The following CCDC7 variants were observed in gnomAD, a reference collection of about 807,000 sequenced individuals.
CCDC7 encodes the protein coiled-coil domain containing 7.
In CCDC7, 183 loss-of-function variants were observed where a neutral mutation model predicts 196.9. The ratio of observed to expected loss-of-function variants is 0.93; its 90% CI spans 0.82 to 1.05. The LOEUF (loss-of-function observed/expected upper bound fraction) is 1.05. Among genes scored for constraint, CCDC7 ranks in the 50% least tolerant of loss-of-function variants. The probability of loss-of-function intolerance (pLI) is 0.00; values close to 1 mark genes in which losing one functional copy is unlikely to be tolerated. For missense variants in CCDC7, 1,540 were observed against 1,482.2 expected (o/e 1.04, Z -0.64); for synonymous variants, 525 against 484.6 (o/e 1.08, Z -1.10).
chr10:32,684,913 T>G (rs1390138395), intron 21 of CCDC7, among the ~76,000 whole-genome samples: 3 of 151,882 alleles, frequency 2.0e-5, no homozygotes, highest in Non-Finnish European at 4.4e-5. Context: ...TCACTAAGTT[T>G]GCTTTCAGTT....
At chr10:32,818,949 G>T (rs2089502670) in intron 31 of CCDC7, among the ~76,000 whole-genome samples, 1 of 152,200 alleles carries the variant, frequency 6.6e-6, no homozygotes, top group African/African-American at 2.4e-5. Flanking sequence ...CAGAAGGCCA[G>T]AAATAACTAA....
At chr10:32,770,094 T>C (rs749458197) in intron 28 of CCDC7, among the ~76,000 whole-genome samples, 4 of 152,090 alleles carry the variant, frequency 2.6e-5, no homozygotes, top group Non-Finnish European at 5.9e-5. Context: ...TACATTGTAT[T>C]ATTTTTAAGT....
chr10:32,527,368 G>A (rs757454033), intron 11 of CCDC7, among the ~76,000 whole-genome samples: 35 of 152,150 alleles, frequency 2.3e-4, no homozygotes, highest in Non-Finnish European at 4.1e-4. Flanking sequence ...AAGTTAAAAC[G>A]AGGAACTGCG....
At chr10:32,603,653 T>C (rs901194727) in intron 18 of CCDC7, among the ~76,000 whole-genome samples, 23 of 151,852 alleles carry the variant, frequency 1.5e-4, no homozygotes, top group African/African-American at 4.6e-4. Flanking sequence ...GCATTCGATC[T>C]AGAATAAAAT....
At chr10:32,740,685 A>G (rs977223161) in intron 28 of CCDC7, among the ~76,000 whole-genome samples, 4 of 152,222 alleles carry the variant, frequency 2.6e-5, no homozygotes, top group Non-Finnish European at 4.4e-5. Context: ...AGCAGTGTGC[A>G]TAATTTTAAT....
intron 30 of CCDC7, among the ~76,000 whole-genome samples, chr10:32,807,843 G>T (rs1249286333): frequency 6.6e-6 from 1 of 152,026 alleles, no homozygotes. Flanking sequence ...TGATTCTTCT[G>T]TCTTAGCCTC....
At chr10:32,781,586 G>A (rs904301665) in intron 29 of CCDC7, among the ~76,000 whole-genome samples, 3 of 152,094 alleles carry the variant, frequency 2.0e-5, no homozygotes, top group African/African-American at 7.2e-5. Flanking sequence ...TGCAGACAAA[G>A]CATTTGACCA....
chr10:32,467,558 G>GTT (rs372979353), intron 5 of CCDC7, among the ~76,000 whole-genome samples: 4 of 151,858 alleles, frequency 2.6e-5, no homozygotes, highest in African/African-American at 9.7e-5. Flanking sequence ...TCTGTTGGTA[G>GTT]TTTTTTTTGC....
At chr10:32,481,857 A>G (rs1018291995) in intron 8 of CCDC7, 4 of 152,116 alleles carry the variant, frequency 2.6e-5, no homozygotes, top group Non-Finnish European at 5.9e-5. Context: ...TTAGACTGCA[A>G]AATTTTCACT....
At chr10:32,642,000 C>T (rs954940279) in intron 20 of CCDC7, among the ~76,000 whole-genome samples, 4 of 152,146 alleles carry the variant, frequency 2.6e-5, no homozygotes, top group African/African-American at 9.7e-5. Flanking sequence ...GCTTCCTGAT[C>T]GTTTCTCTGG....
chr10:32,557,676 C>G (rs1403155719), intron 13 of CCDC7, among the ~76,000 whole-genome samples: 1 of 151,976 alleles, frequency 6.6e-6, no homozygotes, highest in African/African-American at 2.4e-5. Context: ...ATTTTCAGTT[C>G]CAGAATTTCC....
intron 15 of CCDC7, among the ~76,000 whole-genome samples, chr10:32,571,636 A>G (rs988612775): frequency 4.6e-5 from 7 of 151,982 alleles, no homozygotes; most frequent in Non-Finnish European, 8.8e-5. Context: ...ATAAAACCTT[A>G]TTTGCTCTTA....
rs1296849916 is a variant in CCDC7, at chr10:32,493,428, A to G, written c.872+1431A>G. On this transcript the variant is annotated intron_variant, in intron 9 of 41. Transcript: ENST00000639629. ...TATATCTTCCACATGTTCTTTATCT[A>G]TTTTTACATTTATGGACACTTAGGT... 1.3e-4 allele frequency among the ~76,000 whole-genome samples: 20 copies of G among 150,480 alleles called. 1 individual carries two copies. The highest frequency in any genetic ancestry group is 3.0e-5 in the Non-Finnish European group (2 of 67,666).
At chr10:32,553,435 G>C (rs1334327297) in intron 13 of CCDC7, among the ~76,000 whole-genome samples, 1 of 152,056 alleles carries the variant, frequency 6.6e-6, no homozygotes, top group Admixed American at 6.6e-5. Context: ...TTTCTTCTTG[G>C]TTTGGGTCCA....
At chr10:32,854,363 AC>A in intron 40 of CCDC7, 36 bp from the exon 42 acceptor site, 1 of 1,154,334 alleles carries the variant, frequency 8.7e-7, no homozygotes, top group South Asian at 1.4e-5. Context: ...TACTTAATTT[AC>A]CACATAATTT....
intron 15 of CCDC7, among the ~76,000 whole-genome samples, chr10:32,570,434 A>G (rs887227000): frequency 3.3e-5 from 5 of 152,316 alleles, no homozygotes; most frequent in African/African-American, 9.6e-5. Flanking sequence ...AGTATATAGG[A>G]TAACTATTGT....
At chr10:32,746,541 C>G (rs2074771540) in intron 28 of CCDC7, among the ~76,000 whole-genome samples, 1 of 152,172 alleles carries the variant, frequency 6.6e-6, no homozygotes, top group African/African-American at 2.4e-5. Context: ...ACTGTCAGGC[C>G]TGGACAAAGC....
intron 28 of CCDC7, among the ~76,000 whole-genome samples, chr10:32,746,569 C>A (rs575072333): frequency 6.6e-6 from 1 of 152,224 alleles, no homozygotes; most frequent in South Asian, 2.1e-4. Flanking sequence ...TCAGTGACAT[C>A]GGGCCAATCT....
At chr10:32,845,794 C>CAG (rs1432311818) in intron 35 of CCDC7, 82 bp from the exon 37 acceptor site, 7 of 1,144,658 alleles carry the variant, frequency 6.1e-6, no homozygotes, top group Non-Finnish European at 9.1e-6. Flanking sequence ...CACACACACA[C>CAG]ATACACACAC....
Sources: gnomAD v4.1 joint callset for allele counts (sites outside exome capture counted in the v4.1 genomes callset) on GRCh38, gnomAD v4.1.1 for gene constraint, MANE v1.5 for transcripts, NCBI Gene and HGNC (gene_info 2026-07-23, HGNC 2026-07-21) for gene names.